The following ZC2HC1B variants were observed in gnomAD, a reference collection of about 807,000 sequenced individuals.
ZC2HC1B encodes zinc finger C2HC domain-containing protein 1B.
ZC2HC1B carries 36 observed loss-of-function variants against 31.0 expected under a neutral mutation model. That is an observed-to-expected ratio of 1.16 (90% CI 0.89 to 1.54). The LOEUF (loss-of-function observed/expected upper bound fraction) is 1.54. Among genes scored for constraint, ZC2HC1B ranks in the 40% most tolerant of loss-of-function variants. The pLI, the probability that ZC2HC1B is intolerant of heterozygous loss-of-function variation, is 0.00. For synonymous variants in ZC2HC1B, 73 were observed against 88.0 expected, an observed-to-expected ratio of 0.83 and a Z score of 0.95; for missense variants, 260 against 268.6, an observed-to-expected ratio of 0.97 and a Z score of 0.22.
At chr6:143,935,507 A>G (rs1467609877) in intron 6 of ZC2HC1B, among the ~76,000 whole-genome samples, 2 of 152,046 alleles carry the variant, frequency 1.3e-5, no homozygotes, top group African/African-American at 2.4e-5. Flanking sequence ...GGCAGCTCAT[A>G]AGGGTCTTTT....
chr6:143,882,334 T>TTTATATATATATATA (rs1554237237), intron 1 of ZC2HC1B, among the ~76,000 whole-genome samples: 26 of 85,528 alleles, frequency 3.0e-4, no homozygotes, highest in East Asian at 2.7e-3. Flanking sequence ...TTTATATTTT[T>TTTATATATATATATA]TATATATATA....
chr6:143,873,058 A>G (rs1777361009), intron 1 of ZC2HC1B, among the ~76,000 whole-genome samples: 1 of 152,336 alleles, frequency 6.6e-6, no homozygotes, highest in Admixed American at 6.5e-5. Flanking sequence ...CCTTCCACCT[A>G]TGAACTGTAA....
At chr6:143,882,332 T>TATATATATATATATATATATA (rs1554237224) in intron 1 of ZC2HC1B, among the ~76,000 whole-genome samples, 1 of 67,388 alleles carries the variant, frequency 1.5e-5, no homozygotes, top group African/African-American at 7.9e-5. Flanking sequence ...ATTTTATATT[T>TATATATATATATATATATATA]TTTATATATA....
chr6:143,891,999 T>G (rs1402159590), intron 4 of ZC2HC1B, among the ~76,000 whole-genome samples: 1 of 152,190 alleles, frequency 6.6e-6, no homozygotes, highest in Non-Finnish European at 1.5e-5. Context: ...TATCAACAAA[T>G]GATGGTAGAA....
chr6:143,937,568 G>A, intron 6 of ZC2HC1B, 81 bp from the exon 7 acceptor site: 1 of 1,265,212 alleles, frequency 7.9e-7, no homozygotes, highest in East Asian at 2.9e-5. Context: ...TTGAACCCAT[G>A]TGGGGATTTC....
rs1456229697 is a variant in ZC2HC1B at position 143,895,234 on chromosome 6, G to C, written c.350-3318G>C. ...CTGGAGTGCAATGGCAGGACCTCGG[G>C]TCACTGCAAACTCCGCCTCCCAGGT... On this transcript the variant is annotated intron_variant, in intron 4 of 7. Coordinates refer to ENST00000237275, the MANE Select transcript of ZC2HC1B (RefSeq NM_001013623.3). This position sits in a 1 kb window ranked among gnomAD's most constrained non-coding sequence, Gnocchi z 4.8. Among the ~76,000 whole-genome samples, 2 of 152,026 alleles carry C rather than the reference G, an allele frequency of 1.3e-5. No individual in the cohort carries two copies. The highest frequency in any genetic ancestry group is 2.9e-5 in the Non-Finnish European group (2 of 67,998).
chr6:143,867,111 C>G (rs755335057), intron 1 of ZC2HC1B, among the ~76,000 whole-genome samples: 14 of 152,052 alleles, frequency 9.2e-5, no homozygotes, highest in Admixed American at 8.5e-4. Flanking sequence ...AGGTGACATA[C>G]GAAATAAAGT....
intron 6 of ZC2HC1B, among the ~76,000 whole-genome samples, chr6:143,916,494 C>T (rs982932185): frequency 3.3e-5 from 5 of 152,314 alleles, no homozygotes; most frequent in African/African-American, 1.2e-4. Context: ...CCAGACCCCA[C>T]AATGGTAGAT....
At position 143,869,012 on chromosome 6, in the gene ZC2HC1B, G is replaced by A. The variant is rs1192292513; in HGVS notation, c.28+4445G>A. Among the ~76,000 whole-genome samples the A allele has an allele frequency of 6.6e-6, 1 of 152,186 alleles. No homozygotes were observed. The highest frequency in any genetic ancestry group is 2.4e-5 in the African/African-American group (1 of 41,450). On this transcript the variant is annotated intron_variant, in intron 1 of 7. Coordinates refer to ENST00000237275, the MANE Select transcript of ZC2HC1B (RefSeq NM_001013623.3). The surrounding 1 kb of genome is among the most constrained non-coding windows in gnomAD (Gnocchi z 5.2). ...AGTCCTCATTTCTGCAGCTGGTCACGTGGTCATAGCTGGTATTGATGACTA... is the reference window on the plus strand; with the variant it reads ...AGTCCTCATTTCTGCAGCTGGTCACATGGTCATAGCTGGTATTGATGACTA...
At chr6:143,928,191 T>C (rs2128497572) in intron 6 of ZC2HC1B, among the ~76,000 whole-genome samples, 1 of 152,360 alleles carries the variant, frequency 6.6e-6, no homozygotes, top group East Asian at 1.9e-4. Flanking sequence ...TTGAATTCTT[T>C]GTGTAGGCCA....
In ZC2HC1B at chr6:143,925,559, G is replaced by A. The variant is rs1301674153; in HGVS notation, c.599-12090G>A. 4.4e-5 allele frequency among the ~76,000 whole-genome samples: 6 copies of A among 136,654 alleles called. No homozygotes were observed. In the South Asian group the frequency reaches 6.9e-4, roughly 16 times the overall value. 89.7% of individuals were successfully genotyped at this position (136,654 alleles called of 152,430 possible). On this transcript the variant is annotated intron_variant, in intron 6 of 7. Coordinates refer to ENST00000237275, the MANE Select transcript of ZC2HC1B (RefSeq NM_001013623.3). Reference sequence around the variant, plus strand: ...TTCTTTTTTTTTTTTTTTTTGAGACGGAGTTTCGCTCTTGTTGCCCAGGCT... The same window carrying A: ...TTCTTTTTTTTTTTTTTTTTGAGACAGAGTTTCGCTCTTGTTGCCCAGGCT...
chr6:143,916,600 AG>A, intron 6 of ZC2HC1B, among the ~76,000 whole-genome samples: 1 of 152,358 alleles, frequency 6.6e-6, no homozygotes, highest in East Asian at 1.9e-4. Context: ...ACAAAGCCCC[AG>A]GGGTGGAGCT....
chr6:143,873,163 A>C (rs1046657173), intron 1 of ZC2HC1B, among the ~76,000 whole-genome samples: 1 of 152,182 alleles, frequency 6.6e-6, no homozygotes, highest in African/African-American at 2.4e-5. Flanking sequence ...GCCAAAACAA[A>C]GGGGTTACAG....
At chr6:143,873,380 G>A (rs957697998) in intron 1 of ZC2HC1B, among the ~76,000 whole-genome samples, 1 of 152,116 alleles carries the variant, frequency 6.6e-6, no homozygotes, top group Non-Finnish European at 1.5e-5. Flanking sequence ...ATGGCTTTTC[G>A]AGCCACACAG....
At chr6:143,888,332 G>T (rs144084200) in intron 4 of ZC2HC1B, among the ~76,000 whole-genome samples, 17 of 152,106 alleles carry the variant, frequency 1.1e-4, no homozygotes, top group African/African-American at 3.9e-4. Context: ...ACATCAGGAA[G>T]TTTGAGTTCT....
chr6:143,935,451 C>T (rs1299665662), intron 6 of ZC2HC1B, among the ~76,000 whole-genome samples: 2 of 152,098 alleles, frequency 1.3e-5, no homozygotes, highest in Non-Finnish European at 2.9e-5. Flanking sequence ...TGGCCCTGTC[C>T]TCAGGCCCAG....
At position 143,907,731 on chromosome 6, in the gene ZC2HC1B, G is replaced by T. The variant is rs576646413; in HGVS notation, c.598+4579G>T. Among the ~76,000 whole-genome samples, 12 of 152,298 alleles carry T rather than the reference G, an allele frequency of 7.9e-5. No individual in the cohort carries two copies. The East Asian group carries it at 1.5e-3, about 20-fold the overall frequency. ...TTTTCTCCCATTCTGTAAATTGTGTGTTCACTCTATTGGTAGTTTCTTTTG... is the reference window on the plus strand; with the variant it reads ...TTTTCTCCCATTCTGTAAATTGTGTTTTCACTCTATTGGTAGTTTCTTTTG... On this transcript the variant is annotated intron_variant, in intron 6 of 7. Coordinates refer to ENST00000237275, the MANE Select transcript of ZC2HC1B (RefSeq NM_001013623.3).
rs1777322458 is a variant in ZC2HC1B at position 143,870,438 on chromosome 6, G to A, written c.28+5871G>A. On this transcript the variant is annotated intron_variant, in intron 1 of 7. Transcript: ENST00000237275. The surrounding 1 kb of genome is among the most constrained non-coding windows in gnomAD (Gnocchi z 4.7). ...TGCAGGCTAGGGGAGAGAAGGCAAGGTGGCAGGAGTCTCCACCTTGGGCAT... is the reference window on the plus strand; with the variant it reads ...TGCAGGCTAGGGGAGAGAAGGCAAGATGGCAGGAGTCTCCACCTTGGGCAT... 6.6e-6 allele frequency among the ~76,000 whole-genome samples: 1 copy of A among 152,186 alleles called. No homozygotes were observed.
rs1377807679 is a variant in ZC2HC1B at position 143,918,847 on chromosome 6, A to G, written c.598+15695A>G. Reference sequence around the variant, plus strand: ...TTCAAATGTATTCTTGAATCCTACTAGTAAAGTTTTCATTTCATTTATTCT... The same window carrying G: ...TTCAAATGTATTCTTGAATCCTACTGGTAAAGTTTTCATTTCATTTATTCT... On this transcript the variant is annotated intron_variant, in intron 6 of 7. Transcript: ENST00000237275. The surrounding 1 kb of genome is among the most constrained non-coding windows in gnomAD (Gnocchi z 4.1). Among the ~76,000 whole-genome samples the G allele has an allele frequency of 6.6e-6, 1 of 152,150 alleles. No homozygotes were observed. Among genetic ancestry groups the G allele is most frequent in the Non-Finnish European group, 1.5e-5 (1 of 68,032 alleles).
Sources: gnomAD v4.1 joint callset for allele counts (sites outside exome capture counted in the v4.1 genomes callset) on GRCh38, gnomAD v4.1.1 for gene constraint, Gnocchi (gnomAD v3.1) non-coding constraint, MANE v1.5 for transcripts, NCBI Gene and HGNC (gene_info 2026-07-23, HGNC 2026-07-21) for gene names.